Variants in ABCA13 observed in about 807,000 individuals in gnomAD.
The protein encoded by ABCA13 is ATP binding cassette subfamily A member 13.
Under a neutral mutation model 478.7 loss-of-function variants are expected in ABCA13, and 476 were observed. That is an observed-to-expected ratio of 0.99 (90% CI 0.92 to 1.07). The LOEUF is 1.07. Among genes scored for constraint, ABCA13 ranks in the 50% least tolerant of loss-of-function variants. ABCA13 has a pLI of 0.00. For synonymous variants in ABCA13, 2,252 were observed against 2,158.9 expected (o/e 1.04, Z -1.20); for missense variants, 6,060 against 5,910.6 (o/e 1.03, Z -0.83).
chr7:48,590,775 G>A (rs1001786163), intron 57 of ABCA13, among the ~76,000 whole-genome samples: 2 of 152,062 alleles, frequency 1.3e-5, no homozygotes, highest in South Asian at 2.1e-4. Context: ...TTGGCCATTT[G>A]CATGTCTTCT....
chr7:48,622,772 C>T (rs1793268188), intron 59 of ABCA13, among the ~76,000 whole-genome samples: 1 of 152,162 alleles, frequency 6.6e-6, no homozygotes, highest in South Asian at 2.1e-4. Flanking sequence ...GTGCTTTATA[C>T]ACATGAATCA....
chr7:48,568,554 T>C (rs1787302936), intron 55 of ABCA13, among the ~76,000 whole-genome samples: 1 of 152,092 alleles, frequency 6.6e-6, no homozygotes, highest in African/African-American at 2.4e-5. Flanking sequence ...CATCTATTTA[T>C]AAGAAATAAT....
intron 3 of ABCA13, among the ~76,000 whole-genome samples, chr7:48,213,505 G>C (rs1483711152): frequency 6.6e-6 from 1 of 152,164 alleles, no homozygotes; most frequent in Non-Finnish European, 1.5e-5. Flanking sequence ...TAAAGATCTT[G>C]TTTTGTTGCC....
intron 17 of ABCA13, among the ~76,000 whole-genome samples, chr7:48,277,617 T>C (rs2128767403): frequency 6.6e-6 from 1 of 152,288 alleles, no homozygotes. Context: ...CCCACCCAGA[T>C]GAGAAACATA....
At chr7:48,297,406 T>G in intron 22 of ABCA13, 95 bp downstream of exon 22, 1 of 1,198,060 alleles carries the variant, frequency 8.3e-7, no homozygotes, top group Non-Finnish European at 1.2e-6. Flanking sequence ...ACAGAAAATT[T>G]ATGCTATATG....
At chr7:48,386,085 C>T (rs2129049450) in intron 35 of ABCA13, among the ~76,000 whole-genome samples, 1 of 152,192 alleles carries the variant, frequency 6.6e-6, no homozygotes, top group East Asian at 1.9e-4. Context: ...TTAAGCATTC[C>T]TATACAGCAA....
chr7:48,331,916 GA>G (rs1805466469), intron 27 of ABCA13, among the ~76,000 whole-genome samples: 1 of 152,104 alleles, frequency 6.6e-6, no homozygotes, highest in East Asian at 1.9e-4. Context: ...GCAAGTCCCT[GA>G]CCCCTGCCAG....
At chr7:48,551,001 GA>G (rs1001658113) in intron 55 of ABCA13, among the ~76,000 whole-genome samples, 13 of 150,828 alleles carry the variant, frequency 8.6e-5, no homozygotes, top group Non-Finnish European at 1.6e-4. Context: ...ACTTATTTAT[GA>G]AAAAAATGGC....
At position 48,545,275 on chromosome 7, in the gene ABCA13, T is replaced by C. The variant is rs6959303; in HGVS notation, c.14354+16930T>C. On this transcript the variant is annotated intron_variant, in intron 55 of 61. Transcript: ENST00000435803. ...GAAGGGGTAGGATCTAGAAAAGACCTTCTACTGGCATAGAAAGATAATAGG... is the reference window on the plus strand; with the variant it reads ...GAAGGGGTAGGATCTAGAAAAGACCCTCTACTGGCATAGAAAGATAATAGG... Among the ~76,000 whole-genome samples the C allele has an allele frequency of 6.2e-3, 945 of 151,870 alleles. 14 individuals are homozygous for C. Among genetic ancestry groups the C allele is most frequent in the African/African-American group, 0.022 (899 of 41,504 alleles).
intron 59 of ABCA13, among the ~76,000 whole-genome samples, chr7:48,630,502 T>A (rs1794077986): frequency 6.6e-6 from 1 of 152,228 alleles, no homozygotes; most frequent in Admixed American, 6.5e-5. Context: ...TTGTTCTTTT[T>A]TACGACTGCA....
At chr7:48,509,437 C>A (rs1282977221) in intron 50 of ABCA13, among the ~76,000 whole-genome samples, 1 of 152,208 alleles carries the variant, frequency 6.6e-6, no homozygotes, top group Non-Finnish European at 1.5e-5. Flanking sequence ...AGAATCACAA[C>A]ACACAGGGGG....
chr7:48,536,291 A>G (rs1031606988), intron 55 of ABCA13, among the ~76,000 whole-genome samples: 1 of 152,216 alleles, frequency 6.6e-6, no homozygotes. Context: ...ACAAATTTTC[A>G]TCTAATGTAG....
At chr7:48,265,844 G>C (rs1202909964) in intron 15 of ABCA13, among the ~76,000 whole-genome samples, 1 of 151,466 alleles carries the variant, frequency 6.6e-6, no homozygotes, top group Non-Finnish European at 1.5e-5. Flanking sequence ...CCTTGATCCT[G>C]GAAGAGGCGC....
intron 43 of ABCA13, among the ~76,000 whole-genome samples, chr7:48,457,615 T>G (rs1283415378): frequency 6.6e-6 from 1 of 152,260 alleles, no homozygotes; most frequent in African/African-American, 2.4e-5. Context: ...GTTACTATTT[T>G]AAATTGAGAT....
chr7:48,330,737 A>ACATC (rs201089135), intron 27 of ABCA13, among the ~76,000 whole-genome samples: 41,793 of 136,648 alleles, frequency 0.31, 6,288 homozygotes, highest in African/African-American at 0.39. Context: ...ATCCATTGAC[A>ACATC]CATCCATCCA....
At chr7:48,636,778 C>T (rs1794673923) in intron 59 of ABCA13, among the ~76,000 whole-genome samples, 1 of 152,152 alleles carries the variant, frequency 6.6e-6, no homozygotes, top group Non-Finnish European at 1.5e-5. Flanking sequence ...AGCTGTTTCC[C>T]CTCTTGTGCC....
chr7:48,449,510 G>A (rs909176298), intron 42 of ABCA13, among the ~76,000 whole-genome samples: 1 of 152,196 alleles, frequency 6.6e-6, no homozygotes, highest in African/African-American at 2.4e-5. Context: ...TGTCCAAAAT[G>A]TTCAGTGTAT....
Position 48,403,710 on chromosome 7 carries a change from G to GCAT in ABCA13, c.11904_11906dup (p.His3968dup). 6.2e-7 allele frequency: 1 copy of GCAT among 1,613,964 alleles called. No homozygotes were observed. Among genetic ancestry groups the GCAT allele is most frequent in the Non-Finnish European group, 8.5e-7 (1 of 1,179,868 alleles). ...CTCTTCAGGATGTGGACTTAACTCA[G>GCAT]CATCAGCACAAACAGACCCGAGCTC... On this transcript the variant is annotated inframe_insertion, in exon 39 of 62. Transcript: ENST00000435803.
At chr7:48,380,568 G>T (rs1423145712) in intron 35 of ABCA13, among the ~76,000 whole-genome samples, 1 of 152,200 alleles carries the variant, frequency 6.6e-6, no homozygotes, top group Non-Finnish European at 1.5e-5. Context: ...CTTTGCATTT[G>T]CACGGCTGTG....
Sources: allele counts gnomAD v4.1 joint callset (sites outside exome capture counted in the v4.1 genomes callset), GRCh38; gene constraint gnomAD v4.1.1; transcripts MANE v1.5; gene names NCBI Gene and HGNC (gene_info 2026-07-23, HGNC 2026-07-21).